The following HSD17B3 variants were observed in gnomAD, a reference collection of about 807,000 sequenced individuals.
The protein encoded by HSD17B3 is 17-beta-hydroxysteroid dehydrogenase type 3.
HSD17B3 carries 29 observed loss-of-function variants against 41.1 expected under a neutral mutation model. The ratio of observed to expected loss-of-function variants is 0.71; its 90% CI spans 0.53 to 0.96. The LOEUF (loss-of-function observed/expected upper bound fraction) is 0.96. Among genes scored for constraint, HSD17B3 ranks in the 40% least tolerant of loss-of-function variants. The pLI is 0.00. For missense variants in HSD17B3, 323 were observed against 374.6 expected, an observed-to-expected ratio of 0.86 and a Z score of 1.14; for synonymous variants, 126 against 145.6, an observed-to-expected ratio of 0.87 and a Z score of 0.97.
intron 9 of HSD17B3, 91 bp downstream of exon 9, chr9:96,244,238 C>G (rs1836565716): frequency 7.8e-7 from 1 of 1,282,894 alleles, no homozygotes; most frequent in Non-Finnish European, 1.1e-6. Flanking sequence ...GTGGCCCCAG[C>G]CACGGGAGGT....
intron 9 of HSD17B3, among the ~76,000 whole-genome samples, chr9:96,242,914 C>G (rs150981937): frequency 7.9e-5 from 12 of 152,272 alleles, no homozygotes; most frequent in Middle Eastern, 3.4e-3. Context: ...CTTCCTGGCC[C>G]CCTGTGGCTG....
intron 2 of HSD17B3, among the ~76,000 whole-genome samples, chr9:96,293,319 G>A (rs1259686649): frequency 2.0e-5 from 3 of 152,098 alleles, no homozygotes; most frequent in Admixed American, 6.6e-5. Context: ...GCCTCGTCTC[G>A]TCAGCTGAGG....
chr9:96,269,251 G>A (rs1198488624), intron 2 of HSD17B3, among the ~76,000 whole-genome samples: 8 of 152,156 alleles, frequency 5.3e-5, no homozygotes, highest in Admixed American at 2.0e-4. Flanking sequence ...TATGGTATTA[G>A]AAACTTACAG....
intron 2 of HSD17B3, among the ~76,000 whole-genome samples, chr9:96,255,166 CTTATTGTGTGT>C (rs1313463423): frequency 3.3e-5 from 5 of 152,054 alleles, no homozygotes; most frequent in Admixed American, 6.6e-5. Context: ...GGAGTTAACA[CTTATTGTGTGT>C]TTATTGTGTG....
intron 2 of HSD17B3, among the ~76,000 whole-genome samples, chr9:96,284,215 T>TAAAAAAAAAAAA (rs569621446): frequency 1.0e-5 from 1 of 100,196 alleles, no homozygotes; most frequent in Non-Finnish European, 2.0e-5. Context: ...GACTCCATCT[T>TAAAAAAAAAAAA]AAAAAAAAAA....
At chr9:96,239,608 G>C (rs910765976) in intron 10 of HSD17B3, 1 of 152,224 alleles carries the variant, frequency 6.6e-6, no homozygotes, top group Admixed American at 6.5e-5. Flanking sequence ...TGCTTTGGTA[G>C]ACTTTAGCGC....
At chr9:96,275,723 T>C (rs942709798) in intron 2 of HSD17B3, among the ~76,000 whole-genome samples, 20 of 151,662 alleles carry the variant, frequency 1.3e-4, no homozygotes, top group African/African-American at 4.8e-4. Flanking sequence ...CTCAAGCTAA[T>C]CACAATGAAG....
intron 2 of HSD17B3, among the ~76,000 whole-genome samples, chr9:96,271,520 A>G (rs1244954650): frequency 6.6e-6 from 1 of 152,202 alleles, no homozygotes; most frequent in Non-Finnish European, 1.5e-5. Flanking sequence ...GTCCAAGGGA[A>G]GGTCAGTGGA....
chr9:96,257,018 C>T (rs1440425235), intron 2 of HSD17B3, among the ~76,000 whole-genome samples: 1 of 152,104 alleles, frequency 6.6e-6, no homozygotes, highest in Non-Finnish European at 1.5e-5. Context: ...TCCCCCTTCT[C>T]TTCCTGCTGC....
chr9:96,290,851 CA>C (rs965219450), intron 2 of HSD17B3, among the ~76,000 whole-genome samples: 70 of 134,334 alleles, frequency 5.2e-4, no homozygotes, highest in Admixed American at 8.9e-4. Flanking sequence ...AACTCTGTCT[CA>C]AAAAAAAAAA....
intron 10 of HSD17B3, among the ~76,000 whole-genome samples, chr9:96,238,576 C>T (rs1836314429): frequency 6.6e-6 from 1 of 152,146 alleles, no homozygotes; most frequent in African/African-American, 2.4e-5. Flanking sequence ...GCAGGAGAAT[C>T]GCTGGAACCT....
intron 2 of HSD17B3, among the ~76,000 whole-genome samples, chr9:96,263,768 A>C (rs559050993): frequency 6.6e-6 from 1 of 152,052 alleles, no homozygotes; most frequent in Non-Finnish European, 1.5e-5. Flanking sequence ...ATAAGCTACA[A>C]GAACAAGAAT....
At chr9:96,253,768 C>A (rs796723925) in intron 3 of HSD17B3, among the ~76,000 whole-genome samples, 5 of 152,270 alleles carry the variant, frequency 3.3e-5, no homozygotes, top group African/African-American at 1.2e-4. Flanking sequence ...AGTCCAAAGA[C>A]ACTACTTGCT....
chr9:96,242,752 T>C (rs1836505263), intron 9 of HSD17B3, among the ~76,000 whole-genome samples: 1 of 152,130 alleles, frequency 6.6e-6, no homozygotes, highest in African/African-American at 2.4e-5. Flanking sequence ...TAGTACCCAC[T>C]ACCTCGGCAG....
intron 2 of HSD17B3, among the ~76,000 whole-genome samples, chr9:96,284,262 CT>C (rs1415033989): frequency 1.1e-4 from 14 of 128,102 alleles, no homozygotes; most frequent in African/African-American, 3.9e-4. Context: ...TCTTTTTAAA[CT>C]TTTTGCTTAA....
chr9:96,272,405 C>CTCTCTCTCTCTCTCTATATATATATA (rs1239816824), intron 2 of HSD17B3, among the ~76,000 whole-genome samples: 1 of 21,538 alleles, frequency 4.6e-5, no homozygotes, highest in Non-Finnish European at 8.8e-5. Context: ...CTCTCTCTCT[C>CTCTCTCTCTCTCTCTATATATATATA]TATATATATA....
chr9:96,261,472 G>A (rs919839759), intron 2 of HSD17B3, among the ~76,000 whole-genome samples: 7 of 152,222 alleles, frequency 4.6e-5, no homozygotes, highest in Non-Finnish European at 1.0e-4. Context: ...TGGGATTACA[G>A]GCATGAGCCA....
In HSD17B3 at chr9:96,240,747, T is replaced by C. The variant is rs377488024; in HGVS notation, c.822+11A>G. ...TCCCTGGCTTCAAGAAAAGGAGAAG[T>C]TATCAATTACCAAGATTTCATGGGC... On this transcript the variant is annotated intron_variant, in intron 10 of 10. Coordinates refer to ENST00000375263, the MANE Select transcript of HSD17B3 (RefSeq NM_000197.2). 9.3e-6 allele frequency: 15 copies of C among 1,614,048 alleles called. No homozygotes were observed. The African/African-American group carries it at 1.9e-4, about 20-fold the overall frequency.
Position 96,259,702 on chromosome 9 carries a change from C to T in HSD17B3, c.202-4759G>A, listed in dbSNP as rs746975533. On this transcript the variant is annotated intron_variant, in intron 2 of 10. Coordinates refer to ENST00000375263, the MANE Select transcript of HSD17B3 (RefSeq NM_000197.2). Reference sequence around the variant, plus strand: ...CGCCATTGCACTCCAGCCTGGGCGACAGAACAAGACTCCGTCTCAAAAGAA... The same window carrying T: ...CGCCATTGCACTCCAGCCTGGGCGATAGAACAAGACTCCGTCTCAAAAGAA... 2.1e-5 allele frequency among the ~76,000 whole-genome samples: 3 copies of T among 146,138 alleles called. No homozygotes were observed. The East Asian group carries it at 5.9e-4, about 29-fold the overall frequency.
Sources: gnomAD v4.1 joint callset for allele counts (sites outside exome capture counted in the v4.1 genomes callset) on GRCh38, gnomAD v4.1.1 for gene constraint, MANE v1.5 for transcripts, NCBI Gene and HGNC (gene_info 2026-07-23, HGNC 2026-07-21) for gene names.